Variants in PIP5K1B observed in about 807,000 individuals in gnomAD.
The protein encoded by PIP5K1B is phosphatidylinositol-4-phosphate 5-kinase type 1 beta.
Under a neutral mutation model 67.0 loss-of-function variants are expected in PIP5K1B, and 42 were observed. That is an observed-to-expected ratio of 0.63 (90% CI 0.49 to 0.81). PIP5K1B has a LOEUF of 0.81. Among genes scored for constraint, PIP5K1B ranks in the 30% least tolerant of loss-of-function variants. PIP5K1B has a pLI of 0.00. For missense variants in PIP5K1B, 459 were observed against 646.3 expected (o/e 0.71, Z 3.14); for synonymous variants, 214 against 231.4 (o/e 0.92, Z 0.68).
chr9:68,705,611 G>A lies in PIP5K1B; in HGVS notation c.-394G>A, dbSNP rs1474372920. On this transcript the variant is annotated 5_prime_UTR_variant, in exon 1 of 16. Coordinates refer to ENST00000265382, the MANE Select transcript of PIP5K1B (RefSeq NM_003558.4). ...GCCCCCGGCCCCGGCCCCGCCCGCC[G>A]CCCCCTCCGCCCTCCCGCCCCTCCC... is the stretch of plus-strand genomic sequence containing the variant. 2 of 14,522 alleles carry A rather than the reference G, an allele frequency of 1.4e-4. No individual in the cohort carries two copies. The highest frequency in any genetic ancestry group is 3.1e-3 in the East Asian group (1 of 318). 0.9% of individuals were successfully genotyped at this position (14,522 alleles called of 1,614,324 possible). A position where few individuals can be genotyped will look rare whatever the true frequency, so the allele number is the denominator to read the frequency against.
At chr9:68,986,415 C>G (rs943405130) in intron 14 of PIP5K1B, among the ~76,000 whole-genome samples, 2 of 152,044 alleles carry the variant, frequency 1.3e-5, no homozygotes, top group Non-Finnish European at 2.9e-5. Flanking sequence ...AGATTCTTTG[C>G]TCATTTTTAA....
At chr9:68,721,779 C>T (rs1181439658) in intron 1 of PIP5K1B, among the ~76,000 whole-genome samples, 1 of 152,154 alleles carries the variant, frequency 6.6e-6, no homozygotes, top group Non-Finnish European at 1.5e-5. Context: ...GTATTATGAG[C>T]TCTTGCCAGC....
At chr9:68,865,793 T>C (rs1400981457) in intron 5 of PIP5K1B, among the ~76,000 whole-genome samples, 2 of 152,118 alleles carry the variant, frequency 1.3e-5, no homozygotes, top group African/African-American at 2.4e-5. Context: ...ACTCTGTGGG[T>C]GGGAACCAGG....
At chr9:68,959,586 C>T (rs1828601465) in intron 14 of PIP5K1B, among the ~76,000 whole-genome samples, 1 of 152,094 alleles carries the variant, frequency 6.6e-6, no homozygotes, top group African/African-American at 2.4e-5. Context: ...ATATAGCTCC[C>T]TTTTATCACC....
At chr9:68,783,173 C>G (rs1208164704) in intron 2 of PIP5K1B, 1 of 167,100 alleles carries the variant, frequency 6.0e-6, no homozygotes, top group Non-Finnish European at 1.5e-5. Context: ...ATTTCCTACT[C>G]TTTAAGGAAT....
At chr9:68,906,264 C>A (rs913004208) in intron 8 of PIP5K1B, among the ~76,000 whole-genome samples, 1 of 152,198 alleles carries the variant, frequency 6.6e-6, no homozygotes, top group African/African-American at 2.4e-5. Context: ...AGCAATCCAC[C>A]TGCCTTGGCC....
At chr9:68,854,420 A>C (rs957217327) in intron 4 of PIP5K1B, among the ~76,000 whole-genome samples, 2 of 152,196 alleles carry the variant, frequency 1.3e-5, no homozygotes, top group African/African-American at 4.8e-5. Flanking sequence ...GCAAGCCACC[A>C]TACCTGGACA....
intron 2 of PIP5K1B, chr9:68,781,609 T>C (rs1831284432): frequency 6.0e-6 from 1 of 166,932 alleles, no homozygotes. Flanking sequence ...AAGAACAAAT[T>C]ATAAAAGTTT....
intron 5 of PIP5K1B, among the ~76,000 whole-genome samples, chr9:68,867,801 G>C (rs1823435060): frequency 6.6e-6 from 1 of 152,190 alleles, no homozygotes; most frequent in Admixed American, 6.5e-5. Context: ...GGCCCTGGTT[G>C]TAAGCATCCA....
intron 14 of PIP5K1B, among the ~76,000 whole-genome samples, chr9:68,980,007 T>C (rs988117153): frequency 6.6e-6 from 1 of 152,214 alleles, no homozygotes; most frequent in African/African-American, 2.4e-5. Context: ...GCTTTTCTAC[T>C]TCCCTGGGTC....
chr9:68,967,849 A>T (rs1024610456), intron 14 of PIP5K1B, among the ~76,000 whole-genome samples: 1 of 152,132 alleles, frequency 6.6e-6, no homozygotes, highest in Non-Finnish European at 1.5e-5. Context: ...TGAGAGTATG[A>T]TGAGCCTACA....
At chr9:68,780,398 C>T in intron 2 of PIP5K1B, 1 of 1,613,920 alleles carries the variant, frequency 6.2e-7, no homozygotes, top group Non-Finnish European at 8.5e-7. Flanking sequence ...CCTCCCCTGT[C>T]CGCATGCACA....
intron 14 of PIP5K1B, among the ~76,000 whole-genome samples, chr9:68,986,281 A>G (rs1426011562): frequency 6.6e-6 from 1 of 152,224 alleles, no homozygotes; most frequent in Non-Finnish European, 1.5e-5. Flanking sequence ...TATGATAACT[A>G]TCCCAGTAGT....
intron 4 of PIP5K1B, among the ~76,000 whole-genome samples, chr9:68,845,360 A>G (rs1822133577): frequency 6.6e-6 from 1 of 152,202 alleles, no homozygotes; most frequent in Non-Finnish European, 1.5e-5. Flanking sequence ...AAGAAGAGCT[A>G]GAAGCCTAGA....
intron 1 of PIP5K1B, among the ~76,000 whole-genome samples, chr9:68,733,138 C>T (rs1828534845): frequency 6.6e-6 from 1 of 152,078 alleles, no homozygotes; most frequent in Non-Finnish European, 1.5e-5. Context: ...TTTTAGAAGT[C>T]CTCTAAGAAG....
At chr9:68,866,636 A>C (rs1382202901) in intron 5 of PIP5K1B, among the ~76,000 whole-genome samples, 2 of 152,218 alleles carry the variant, frequency 1.3e-5, no homozygotes, top group African/African-American at 4.8e-5. Flanking sequence ...ACAATTACAA[A>C]TCAACCCTTT....
chr9:68,740,389 C>T (rs1828946394), intron 1 of PIP5K1B, among the ~76,000 whole-genome samples: 1 of 152,220 alleles, frequency 6.6e-6, no homozygotes, highest in African/African-American at 2.4e-5. Flanking sequence ...CAGTATGATA[C>T]AATGGGTCTC....
intron 2 of PIP5K1B, among the ~76,000 whole-genome samples, chr9:68,775,494 A>G (rs1208690606): frequency 6.6e-6 from 1 of 152,216 alleles, no homozygotes; most frequent in Non-Finnish European, 1.5e-5. Context: ...GGTAACTGAG[A>G]TGGCTACTAA....
intron 12 of PIP5K1B, among the ~76,000 whole-genome samples, chr9:68,924,641 C>T (rs1034909154): frequency 6.6e-6 from 1 of 151,734 alleles, no homozygotes. Flanking sequence ...AGAAAATAAT[C>T]CTATATATAG....
Sources: allele counts gnomAD v4.1 joint callset (sites outside exome capture counted in the v4.1 genomes callset), GRCh38; gene constraint gnomAD v4.1.1; transcripts MANE v1.5; gene names NCBI Gene and HGNC (gene_info 2026-07-23, HGNC 2026-07-21).